The following KCTD20 variants were observed in gnomAD, a reference collection of about 807,000 sequenced individuals.
KCTD20 encodes BTB/POZ domain-containing protein KCTD20.
A neutral mutation model predicts 39.6 loss-of-function variants in KCTD20; 30 were observed. The ratio of observed to expected loss-of-function variants is 0.76; its 90% CI spans 0.57 to 1.03. The LOEUF is 1.03. Ranked by LOEUF, KCTD20 falls within the 50% of genes least tolerant of loss-of-function variation. KCTD20 has a pLI of 0.00. For synonymous variants in KCTD20, 162 were observed against 180.6 expected, an observed-to-expected ratio of 0.90 and a Z score of 0.83; for missense variants, 422 against 522.0, an observed-to-expected ratio of 0.81 and a Z score of 1.87.
At chr6:36,453,241 A>G (rs929307984) in intron 1 of KCTD20, among the ~76,000 whole-genome samples, 1 of 150,804 alleles carries the variant, frequency 6.6e-6, no homozygotes, top group Non-Finnish European at 1.5e-5. Flanking sequence ...TGAACTCCTG[A>G]CCTCAAGTGA....
chr6:36,462,127 T>C lies in KCTD20; in HGVS notation c.-46-7925T>C, dbSNP rs568265169. 2.6e-5 allele frequency among the ~76,000 whole-genome samples: 4 copies of C among 152,306 alleles called. No individual in the cohort carries two copies. In the South Asian group the frequency reaches 8.3e-4, roughly 32 times the overall value. Reference sequence around the variant, plus strand: ...CTTTTGGGTATCTGCCCCTTTTCCATCCTTCACCATTTTTCTGTTGTGTTA... The same window carrying C: ...CTTTTGGGTATCTGCCCCTTTTCCACCCTTCACCATTTTTCTGTTGTGTTA... On this transcript the variant is annotated intron_variant, in intron 1 of 7. Transcript: ENST00000373731.
chr6:36,443,805 C>T (rs562277973), intron 1 of KCTD20: 1 of 152,298 alleles, frequency 6.6e-6, no homozygotes, highest in South Asian at 2.1e-4. Context: ...CTGAAAATTC[C>T]TCAGTTGAAG....
chr6:36,456,423 C>T (rs1236866206), intron 1 of KCTD20, among the ~76,000 whole-genome samples: 2 of 152,042 alleles, frequency 1.3e-5, no homozygotes, highest in African/African-American at 2.4e-5. Context: ...GGATTACAGG[C>T]GCCCGTCACC....
At chr6:36,452,157 A>G (rs1775276021) in intron 1 of KCTD20, among the ~76,000 whole-genome samples, 1 of 151,462 alleles carries the variant, frequency 6.6e-6, no homozygotes, top group South Asian at 2.1e-4. Flanking sequence ...TGAATGTTAA[A>G]CCAATCTTTG....
chr6:36,449,940 G>A (rs369640344), intron 1 of KCTD20, among the ~76,000 whole-genome samples: 11 of 152,194 alleles, frequency 7.2e-5, no homozygotes, highest in South Asian at 6.2e-4. Flanking sequence ...TGAGGCGGGC[G>A]GATCACAAGG....
At chr6:36,449,821 T>TA (rs1448004544) in intron 1 of KCTD20, among the ~76,000 whole-genome samples, 2 of 152,160 alleles carry the variant, frequency 1.3e-5, no homozygotes, top group Non-Finnish European at 2.9e-5. Flanking sequence ...GGGCTTCACA[T>TA]ATGAATTTTG....
In KCTD20 at chr6:36,489,656, T is replaced by C. The variant is rs1336688285; in HGVS notation, c.*2481T>C. 6.6e-6 allele frequency: 1 copy of C among 152,200 alleles called. No homozygotes were observed. The highest frequency in any genetic ancestry group is 1.5e-5 in the Non-Finnish European group (1 of 68,050). 9.4% of individuals were successfully genotyped at this position (152,200 alleles called of 1,614,324 possible). On this transcript the variant is annotated 3_prime_UTR_variant, in exon 8 of 8. Coordinates refer to ENST00000373731, the MANE Select transcript of KCTD20 (RefSeq NM_173562.5). ...AAGGGCTGGGTTGAGGTCACCCCCT[T>C]CAGAGTTGGTTCCTGGCCAGATGGG...
At chr6:36,481,302 G>C (rs1399216963) in intron 5 of KCTD20, among the ~76,000 whole-genome samples, 3 of 152,128 alleles carry the variant, frequency 2.0e-5, no homozygotes, top group African/African-American at 7.2e-5. Context: ...AACATGGTCT[G>C]ACCTTGTAAG....
chr6:36,446,932 T>C (rs1352418927), intron 1 of KCTD20, among the ~76,000 whole-genome samples: 1 of 152,224 alleles, frequency 6.6e-6, no homozygotes, highest in East Asian at 1.9e-4. Flanking sequence ...TTTTACATCA[T>C]TGTCCCATTT....
At chr6:36,485,035 C>T (rs1040476177) in intron 7 of KCTD20, among the ~76,000 whole-genome samples, 3 of 152,084 alleles carry the variant, frequency 2.0e-5, no homozygotes, top group African/African-American at 7.2e-5. Context: ...GAAACAAGTT[C>T]GAGTTTACTA....
Position 36,479,218 on chromosome 6 carries a change from G to A in KCTD20, c.532G>A (p.Val178Met). The A allele has an allele frequency of 6.2e-7, 1 of 1,608,296 alleles. No individual in the cohort carries two copies. The highest frequency in any genetic ancestry group is 1.1e-5 in the South Asian group (1 of 90,558). ...CATCAGTGCAACTGTATTTCGCACAGTGCTGGTGTGTGGTAGCCTTTTTTG... is the reference window on the plus strand; with the variant it reads ...CATCAGTGCAACTGTATTTCGCACAATGCTGGTGTGTGGTAGCCTTTTTTG... ...EGISATVFRTVLDYYKTGIIN... is the reference protein window; with the variant it reads ...EGISATVFRTMLDYYKTGIIN... The change falls in exon 4 of 8, where the codon GTG becomes ATG. Residue 178 changes from valine to methionine, a missense_variant. Coordinates refer to ENST00000373731, the MANE Select transcript of KCTD20 (RefSeq NM_173562.5).
intron 1 of KCTD20, among the ~76,000 whole-genome samples, chr6:36,459,736 G>A (rs924427350): frequency 6.6e-6 from 1 of 151,992 alleles, no homozygotes; most frequent in African/African-American, 2.4e-5. Context: ...CCTTGAACTA[G>A]ATGACCTTTA....
At chr6:36,459,272 C>T (rs1203815349) in intron 1 of KCTD20, among the ~76,000 whole-genome samples, 4 of 152,130 alleles carry the variant, frequency 2.6e-5, no homozygotes, top group African/African-American at 7.2e-5. Context: ...GATCATGCCA[C>T]TGCACTCCAG....
At chr6:36,482,539 TGA>T (rs1491396714) in intron 6 of KCTD20, among the ~76,000 whole-genome samples, 26 of 151,620 alleles carry the variant, frequency 1.7e-4, no homozygotes, top group Non-Finnish European at 3.5e-4. Flanking sequence ...GGCGACAGTG[TGA>T]GACTCCATCT....
intron 3 of KCTD20, among the ~76,000 whole-genome samples, chr6:36,478,072 G>A (rs1450931234): frequency 1.4e-5 from 2 of 142,146 alleles, no homozygotes; most frequent in South Asian, 2.2e-4. Context: ...TCCAGCCTGG[G>A]CAACAGAGCG....
intron 1 of KCTD20, among the ~76,000 whole-genome samples, chr6:36,449,072 T>C (rs1246397231): frequency 6.6e-6 from 1 of 152,142 alleles, no homozygotes; most frequent in African/African-American, 2.4e-5. Context: ...GCAGCAAGAC[T>C]TATTGTGAGG....
In KCTD20 at chr6:36,481,771, T is replaced by C; in HGVS notation, c.856+12T>C. ...GGAATATTCCCAAAGTAGGAGCTTC[T>C]GGCATGGCGTAGATGTTTTCAGCAA... On this transcript the variant is annotated intron_variant, in intron 6 of 7. Coordinates refer to ENST00000373731, the MANE Select transcript of KCTD20 (RefSeq NM_173562.5). 1 of 1,612,824 alleles carries C rather than the reference T, an allele frequency of 6.2e-7. No individual in the cohort carries two copies. Among genetic ancestry groups the C allele is most frequent in the Non-Finnish European group, 8.5e-7 (1 of 1,178,962 alleles).
chr6:36,475,733 A>G (rs754723382), intron 3 of KCTD20, among the ~76,000 whole-genome samples: 18 of 147,966 alleles, frequency 1.2e-4, no homozygotes, highest in South Asian at 4.3e-4. Flanking sequence ...GTGAGACCTA[A>G]ATCTTGCTCC....
intron 1 of KCTD20, among the ~76,000 whole-genome samples, chr6:36,449,953 A>C (rs1392440108): frequency 6.6e-6 from 1 of 151,988 alleles, no homozygotes; most frequent in Non-Finnish European, 1.5e-5. Context: ...TCACAAGGTC[A>C]GGAGATCGAG....
Sources: gnomAD v4.1 joint callset for allele counts (sites outside exome capture counted in the v4.1 genomes callset) on GRCh38, gnomAD v4.1.1 for gene constraint, MANE v1.5 for transcripts, NCBI Gene and HGNC (gene_info 2026-07-23, HGNC 2026-07-21) for gene names.